Variants in ERC1 observed in about 807,000 individuals in gnomAD.
ERC1 encodes RAB6 interacting protein 2.
A neutral mutation model predicts 132.0 loss-of-function variants in ERC1; 56 were observed. That is an observed-to-expected ratio of 0.42 (90% confidence interval 0.34 to 0.53). ERC1 has a LOEUF of 0.53. Ranked by LOEUF, ERC1 falls within the 20% of genes least tolerant of loss-of-function variation. ERC1 has a pLI of 0.03. For missense variants in ERC1, 1,202 were observed against 1,349.9 expected, an observed-to-expected ratio of 0.89 and a Z score of 1.72; for synonymous variants, 478 against 476.1, an observed-to-expected ratio of 1.00 and a Z score of -0.05.
At chr12:1,424,859 T>C (rs756042847) in intron 17 of ERC1, among the ~76,000 whole-genome samples, 1 of 117,470 alleles carries the variant, frequency 8.5e-6, no homozygotes. Flanking sequence ...GATAGATAGA[T>C]AGATCGATAG....
intron 16 of ERC1, among the ~76,000 whole-genome samples, chr12:1,400,773 T>C (rs1317318831): frequency 6.6e-6 from 1 of 152,144 alleles, no homozygotes; most frequent in Non-Finnish European, 1.5e-5. Flanking sequence ...ACTCTCAATT[T>C]TGTTTCATTG....
intron 15 of ERC1, among the ~76,000 whole-genome samples, chr12:1,291,756 T>G (rs1338079674): frequency 1.3e-5 from 2 of 152,188 alleles, no homozygotes; most frequent in African/African-American, 4.8e-5. Flanking sequence ...AATGTAATTT[T>G]TGAGCGTCTG....
At chr12:1,143,511 A>C (rs1198416365) in intron 8 of ERC1, among the ~76,000 whole-genome samples, 1 of 149,752 alleles carries the variant, frequency 6.7e-6, no homozygotes, top group African/African-American at 2.4e-5. Context: ...CATTGTTTAA[A>C]TTTTTGTGTT....
intron 4 of ERC1, among the ~76,000 whole-genome samples, chr12:1,108,008 A>G (rs968766581): frequency 2.0e-5 from 3 of 152,182 alleles, no homozygotes; most frequent in East Asian, 1.9e-4. Context: ...TTTTATTTAA[A>G]TATTACACAT....
rs369949107 is a variant in ERC1, at chr12:1,242,868, A to G, written c.2487+5964A>G. On this transcript the variant is annotated intron_variant, in intron 13 of 18. Coordinates refer to ENST00000360905, the MANE Select transcript of ERC1 (RefSeq NM_178040.4). The stretch of plus-strand genomic sequence containing the variant: ...ATAATATAGTGTAACAGCTATTTAC[A>G]TAGTGTTTACATTGTATTGGGTATT... 6.6e-5 allele frequency among the ~76,000 whole-genome samples: 10 copies of G among 152,238 alleles called. No individual in the cohort carries two copies. The East Asian group carries it at 7.7e-4, about 12-fold the overall frequency.
intron 2 of ERC1, among the ~76,000 whole-genome samples, chr12:1,045,085 T>C (rs1010043551): frequency 2.0e-5 from 3 of 152,178 alleles, no homozygotes; most frequent in Non-Finnish European, 4.4e-5. Context: ...AACAAGGCAG[T>C]GGAGATTTCT....
intron 1 of ERC1, among the ~76,000 whole-genome samples, chr12:995,707 T>G (rs1960696348): frequency 6.6e-6 from 1 of 152,212 alleles, no homozygotes; most frequent in Non-Finnish European, 1.5e-5. Flanking sequence ...TATTCATTCA[T>G]AAGTTACTTA....
At chr12:1,037,155 T>A (rs954226981) in intron 2 of ERC1, among the ~76,000 whole-genome samples, 1 of 152,212 alleles carries the variant, frequency 6.6e-6, no homozygotes, top group Non-Finnish European at 1.5e-5. Context: ...GTTGCACAAA[T>A]ATGAGATAGG....
intron 2 of ERC1, among the ~76,000 whole-genome samples, chr12:1,030,659 C>T (rs1967850345): frequency 6.6e-6 from 1 of 152,104 alleles, no homozygotes; most frequent in African/African-American, 2.4e-5. Context: ...AGGTCGAGGC[C>T]ACAGTCAGCC....
At chr12:1,209,884 G>T (rs1256387365) in intron 12 of ERC1, among the ~76,000 whole-genome samples, 1 of 152,106 alleles carries the variant, frequency 6.6e-6, no homozygotes, top group Non-Finnish European at 1.5e-5. Flanking sequence ...GCTCATATTT[G>T]AACTTGTTAT....
chr12:1,164,505 A>G (rs911692993), intron 8 of ERC1, among the ~76,000 whole-genome samples: 1 of 110,980 alleles, frequency 9.0e-6, no homozygotes, highest in African/African-American at 3.6e-5. Context: ...CCGCACCCAG[A>G]TAATTTTTTG....
At chr12:1,312,300 G>A (rs1293027520) in intron 15 of ERC1, among the ~76,000 whole-genome samples, 1 of 152,146 alleles carries the variant, frequency 6.6e-6, no homozygotes, top group Non-Finnish European at 1.5e-5. Flanking sequence ...GAGTCAGTCT[G>A]TTTGCTTGTG....
intron 4 of ERC1, among the ~76,000 whole-genome samples, chr12:1,106,973 C>T (rs1163985318): frequency 1.3e-5 from 2 of 152,038 alleles, no homozygotes. Context: ...GAATGAGCTT[C>T]AGAGAATTAT....
At chr12:1,046,132 A>G (rs1207651819) in intron 2 of ERC1, among the ~76,000 whole-genome samples, 3 of 152,210 alleles carry the variant, frequency 2.0e-5, no homozygotes, top group Non-Finnish European at 4.4e-5. Flanking sequence ...AAAACAATTA[A>G]AAAGTGATAC....
At chr12:1,213,903 CAAAAAAAAA>C (rs1958123867) in intron 12 of ERC1, among the ~76,000 whole-genome samples, 1 of 140,770 alleles carries the variant, frequency 7.1e-6, no homozygotes, top group South Asian at 2.3e-4. Flanking sequence ...ACTCTGTCTC[CAAAAAAAAA>C]GAAAAAAAAT....
intron 15 of ERC1, among the ~76,000 whole-genome samples, chr12:1,340,675 C>T (rs2083749231): frequency 6.6e-6 from 1 of 152,168 alleles, no homozygotes; most frequent in African/African-American, 2.4e-5. Flanking sequence ...ACTCTCACTG[C>T]CTTCCCTCTG....
At chr12:1,143,452 T>C (rs959879914) in intron 8 of ERC1, among the ~76,000 whole-genome samples, 16 of 152,052 alleles carry the variant, frequency 1.1e-4, no homozygotes, top group Non-Finnish European at 1.6e-4. Flanking sequence ...AGTTGTATTT[T>C]AGAATATTTC....
intron 15 of ERC1, among the ~76,000 whole-genome samples, chr12:1,357,027 C>G (rs1469420835): frequency 6.6e-6 from 1 of 152,190 alleles, no homozygotes; most frequent in Non-Finnish European, 1.5e-5. Flanking sequence ...TCAGTACTCT[C>G]TCAGCATCCC....
At chr12:1,168,704 C>G (rs1463026411) in intron 8 of ERC1, among the ~76,000 whole-genome samples, 2 of 152,004 alleles carry the variant, frequency 1.3e-5, no homozygotes, top group Non-Finnish European at 1.5e-5. Flanking sequence ...TCAGGCTGGT[C>G]TTGAACTCCT....
Sources: allele counts gnomAD v4.1 joint callset (sites outside exome capture counted in the v4.1 genomes callset), GRCh38; gene constraint gnomAD v4.1.1; transcripts MANE v1.5; gene names NCBI Gene and HGNC (gene_info 2026-07-23, HGNC 2026-07-21).